Variants in NSMCE2 observed in about 807,000 individuals in gnomAD.
NSMCE2 encodes the protein NSE2 SUMO ligase component of SMC5/6 complex.
In NSMCE2, 24 loss-of-function variants were observed where a neutral mutation model predicts 23.8. That is an observed-to-expected ratio of 1.01 (90% CI 0.73 to 1.42). The LOEUF (loss-of-function observed/expected upper bound fraction) is 1.42. Ranked by LOEUF, NSMCE2 falls within the 40% of genes most tolerant of loss-of-function variation. The pLI is 0.00. For synonymous variants in NSMCE2, 92 were observed against 94.1 expected (o/e 0.98, Z 0.13); for missense variants, 284 against 296.5 (o/e 0.96, Z 0.31).
chr8:125,176,799 T>C (rs896011987), intron 4 of NSMCE2, among the ~76,000 whole-genome samples: 1 of 152,230 alleles, frequency 6.6e-6, no homozygotes, highest in African/African-American at 2.4e-5. Context: ...AAGCCTGGGC[T>C]TGCCTTCTTA....
At chr8:125,122,202 C>A (rs913027741) in intron 3 of NSMCE2, among the ~76,000 whole-genome samples, 2 of 149,392 alleles carry the variant, frequency 1.3e-5, no homozygotes, top group Non-Finnish European at 3.0e-5. Flanking sequence ...AAAATGCTGC[C>A]TATTATATGA....
chr8:125,145,403 G>T (rs1186381607), intron 3 of NSMCE2, among the ~76,000 whole-genome samples: 1 of 152,118 alleles, frequency 6.6e-6, no homozygotes, highest in Admixed American at 6.5e-5. Context: ...GGGGGGGATA[G>T]CTAGTTATTG....
At chr8:125,273,187 C>T (rs1827299210) in intron 5 of NSMCE2, among the ~76,000 whole-genome samples, 1 of 152,192 alleles carries the variant, frequency 6.6e-6, no homozygotes, top group African/African-American at 2.4e-5. Context: ...TGAGGTGTTA[C>T]AGCCTATTAA....
intron 5 of NSMCE2, among the ~76,000 whole-genome samples, chr8:125,344,024 A>T (rs1830345503): frequency 6.6e-6 from 1 of 152,122 alleles, no homozygotes; most frequent in Non-Finnish European, 1.5e-5. Context: ...AACAAAAAAA[A>T]TTACAACTGC....
At chr8:125,220,717 C>A (rs1170787389) in intron 5 of NSMCE2, among the ~76,000 whole-genome samples, 1 of 151,838 alleles carries the variant, frequency 6.6e-6, no homozygotes, top group African/African-American at 2.4e-5. Context: ...GCTATCTCAG[C>A]CACACCCAAA....
At chr8:125,316,715 CTTCTTTCTTTCCTTCTT>C (rs1364343934) in intron 5 of NSMCE2, among the ~76,000 whole-genome samples, 10 of 106,366 alleles carry the variant, frequency 9.4e-5, no homozygotes, top group Admixed American at 4.4e-4. Context: ...TCCTTCTTTC[CTTCTTTCTTTCCTTCTT>C]TTCCTTCCTT....
chr8:125,135,012 A>C (rs1265627265), intron 3 of NSMCE2, among the ~76,000 whole-genome samples: 1 of 151,636 alleles, frequency 6.6e-6, no homozygotes, highest in East Asian at 1.9e-4. Context: ...GGCTCAAGCA[A>C]CCCTCCCACC....
chr8:125,126,181 G>A (rs1819509167), intron 3 of NSMCE2, among the ~76,000 whole-genome samples: 1 of 152,028 alleles, frequency 6.6e-6, no homozygotes, highest in Admixed American at 6.5e-5. Context: ...TCAGGAGTTC[G>A]AGACCAGCTT....
chr8:125,207,552 C>T (rs1247938534), intron 5 of NSMCE2, among the ~76,000 whole-genome samples: 1 of 152,096 alleles, frequency 6.6e-6, no homozygotes, highest in East Asian at 1.9e-4. Context: ...ATTGTGACAC[C>T]ATTTAAGTGT....
At chr8:125,307,254 G>T (rs1293654949) in intron 5 of NSMCE2, among the ~76,000 whole-genome samples, 1 of 152,104 alleles carries the variant, frequency 6.6e-6, no homozygotes, top group Non-Finnish European at 1.5e-5. Flanking sequence ...AATCACATGT[G>T]CAATGTCTAT....
At chr8:125,264,468 G>A (rs567117550) in intron 5 of NSMCE2, among the ~76,000 whole-genome samples, 4 of 152,010 alleles carry the variant, frequency 2.6e-5, no homozygotes, top group African/African-American at 7.3e-5. Flanking sequence ...ATGCAATGGC[G>A]CGAGCTCGGC....
chr8:125,280,294 C>T, intron 5 of NSMCE2, among the ~76,000 whole-genome samples: 1 of 152,150 alleles, frequency 6.6e-6, no homozygotes, highest in Non-Finnish European at 1.5e-5. Context: ...AGAAACAGAC[C>T]CAAATACATC....
In NSMCE2 at chr8:125,272,701, TATATATATATATATA is replaced by T. The variant is rs1472672185; in HGVS notation, c.419-84504_419-84490del. On this transcript the variant is annotated intron_variant, in intron 5 of 7. Coordinates refer to ENST00000287437, the MANE Select transcript of NSMCE2 (RefSeq NM_173685.4). ...ATATATATATCCCAGCTACTTGGGATATATATATATATATAATATATATATATACACACACACACA... is the reference window on the plus strand; with the variant it reads ...ATATATATATCCCAGCTACTTGGGATATATATATATATACACACACACACA... Among the ~76,000 whole-genome samples the T allele has an allele frequency of 1.2e-3, 143 of 123,202 alleles. 14 individuals carry two copies. Among genetic ancestry groups the T allele is most frequent in the African/African-American group, 4.4e-3 (136 of 30,568 alleles). 80.8% of individuals were successfully genotyped at this position (123,202 alleles called of 152,430 possible).
In NSMCE2 at chr8:125,256,614, G is replaced by A. The variant is rs1826428963; in HGVS notation, c.418+74358G>A. Among the ~76,000 whole-genome samples, 5 of 152,074 alleles carry A rather than the reference G, an allele frequency of 3.3e-5. No individual in the cohort carries two copies. The South Asian group carries it at 8.3e-4, about 25-fold the overall frequency. ...TATGCATAGACAAGCTCACCCAGGG[G>A]AAGAATGTTCAGTTAAAAAAGAAGA... On this transcript the variant is annotated intron_variant, in intron 5 of 7. Coordinates refer to ENST00000287437, the MANE Select transcript of NSMCE2 (RefSeq NM_173685.4).
intron 5 of NSMCE2, among the ~76,000 whole-genome samples, chr8:125,204,895 G>T (rs1824051700): frequency 6.6e-6 from 1 of 152,170 alleles, no homozygotes; most frequent in African/African-American, 2.4e-5. Flanking sequence ...CTACCAGAAT[G>T]ATCATTCTGC....
At chr8:125,098,213 C>T (rs1818026288) in intron 1 of NSMCE2, among the ~76,000 whole-genome samples, 1 of 152,146 alleles carries the variant, frequency 6.6e-6, no homozygotes, top group African/African-American at 2.4e-5. Flanking sequence ...TCAGATGATT[C>T]AATACACTGA....
intron 5 of NSMCE2, among the ~76,000 whole-genome samples, chr8:125,339,556 C>T (rs1423094670): frequency 1.3e-5 from 2 of 152,094 alleles, no homozygotes; most frequent in Admixed American, 6.6e-5. Context: ...TTCAGATGCT[C>T]CTATTCCCTA....
intron 3 of NSMCE2, among the ~76,000 whole-genome samples, chr8:125,113,583 T>A (rs1188173619): frequency 6.6e-6 from 1 of 152,128 alleles, no homozygotes; most frequent in African/African-American, 2.4e-5. Context: ...ATAAAAAGAA[T>A]CATAAGGAAA....
At chr8:125,103,195 A>G (rs981939258) in intron 3 of NSMCE2, among the ~76,000 whole-genome samples, 4 of 151,976 alleles carry the variant, frequency 2.6e-5, no homozygotes, top group African/African-American at 9.7e-5. Flanking sequence ...AATTCCAGCT[A>G]CTCGGGAGGC....
Sources: gnomAD v4.1 joint callset for allele counts (sites outside exome capture counted in the v4.1 genomes callset) on GRCh38, gnomAD v4.1.1 for gene constraint, MANE v1.5 for transcripts, NCBI Gene and HGNC (gene_info 2026-07-23, HGNC 2026-07-21) for gene names.